The following EPN2 variants were observed in gnomAD, a reference collection of about 807,000 sequenced individuals.
EPN2 encodes epsin 2, also known as epsin-2.
A neutral mutation model predicts 61.7 loss-of-function variants in EPN2; 34 were observed. That is an observed-to-expected ratio of 0.55 (90% CI 0.42 to 0.73). The LOEUF is 0.73. EPN2 is among the 30% of genes least tolerant of loss of function. The pLI is 0.00. For synonymous variants in EPN2, 349 were observed against 353.6 expected (o/e 0.99, Z 0.15); for missense variants, 714 against 839.2 (o/e 0.85, Z 1.84).
chr17:19,259,589 G>A (rs2045118471), intron 1 of EPN2, among the ~76,000 whole-genome samples: 1 of 152,204 alleles, frequency 6.6e-6, no homozygotes, highest in Non-Finnish European at 1.5e-5. Context: ...TGGGTTTACA[G>A]GCATGAGCCA....
At chr17:19,264,345 G>C (rs757157515) in intron 1 of EPN2, among the ~76,000 whole-genome samples, 2 of 152,206 alleles carry the variant, frequency 1.3e-5, no homozygotes, top group Non-Finnish European at 2.9e-5. Flanking sequence ...ATGTCAGCTT[G>C]CTCCCATTTT....
At chr17:19,244,851 A>G (rs570623278) in intron 1 of EPN2, among the ~76,000 whole-genome samples, 13 of 152,354 alleles carry the variant, frequency 8.5e-5, no homozygotes, top group African/African-American at 3.1e-4. Flanking sequence ...GCCCCAGGCC[A>G]TACAGTTAGT....
At chr17:19,296,527 T>C (rs374711788) in intron 4 of EPN2, 16 of 152,176 alleles carry the variant, frequency 1.1e-4, no homozygotes, top group African/African-American at 3.9e-4. Context: ...AAAATAGAAA[T>C]AGAAAAAGAA....
chr17:19,293,250 G>T (rs560768798), intron 4 of EPN2, among the ~76,000 whole-genome samples: 38 of 151,746 alleles, frequency 2.5e-4, no homozygotes, highest in Middle Eastern at 6.8e-3. Flanking sequence ...CATGGTGGTG[G>T]GCACCTGTAA....
intron 7 of EPN2, among the ~76,000 whole-genome samples, chr17:19,327,588 G>A (rs776042444): frequency 6.6e-6 from 1 of 152,054 alleles, no homozygotes; most frequent in African/African-American, 2.4e-5. Flanking sequence ...TGGGAGGATC[G>A]CTTGAGCATG....
chr17:19,238,578 G>C (rs553037372), intron 1 of EPN2, among the ~76,000 whole-genome samples: 4 of 152,270 alleles, frequency 2.6e-5, no homozygotes, highest in Non-Finnish European at 5.9e-5. Flanking sequence ...CATCATTAGG[G>C]TTCAGATGAG....
chr17:19,309,752 C>T (rs1481537655), intron 4 of EPN2, 133 bp from the exon 5 acceptor site: 2 of 686,046 alleles, frequency 2.9e-6, no homozygotes, highest in Non-Finnish European at 2.6e-6. Context: ...CTTTCCTCTG[C>T]CTGCATTGTT....
In EPN2 at chr17:19,310,571, CTTTTTTTTTTTTT is replaced by C. The variant is rs71155391; in HGVS notation, c.879+586_879+598del. On this transcript the variant is annotated intron_variant, in intron 5 of 10. Transcript: ENST00000314728. The stretch of plus-strand genomic sequence containing the variant: ...TTTCTTTCTCTCTTTCTCCTTCTTT[CTTTTTTTTTTTTT>C]TTTTTTTTTTTGAATCAGAGTCTCA... 8.7e-5 allele frequency among the ~76,000 whole-genome samples: 7 copies of C among 80,922 alleles called. No individual in the cohort carries two copies. In the East Asian group the frequency reaches 1.4e-3, roughly 16 times the overall value. 53.1% of individuals were successfully genotyped at this position (80,922 alleles called of 152,430 possible).
Position 19,336,080 on chromosome 17 carries a change from CTGAG to C in EPN2, c.*1829_*1832del. 1 of 152,306 alleles carries C rather than the reference CTGAG, an allele frequency of 6.6e-6. No individual in the cohort carries two copies. Among genetic ancestry groups the C allele is most frequent in the East Asian group, 1.9e-4 (1 of 5,198 alleles). 9.4% of individuals were successfully genotyped at this position (152,306 alleles called of 1,614,324 possible). A position where few individuals can be genotyped will look rare whatever the true frequency, so the allele number is the denominator to read the frequency against. On this transcript the variant is annotated 3_prime_UTR_variant, in exon 11 of 11. Transcript: ENST00000314728. ...TCTGGGCTGCTGGGACATGCAGGCTCTGAGTGGGGACTGCACCCACTCATGCTGT... is the reference window on the plus strand; with the variant it reads ...TCTGGGCTGCTGGGACATGCAGGCTCTGGGGACTGCACCCACTCATGCTGT...
chr17:19,272,515 G>A (rs2045264997), intron 1 of EPN2, among the ~76,000 whole-genome samples: 1 of 152,110 alleles, frequency 6.6e-6, no homozygotes, highest in Non-Finnish European at 1.5e-5. Context: ...TGGGACTGAA[G>A]GATTTGGGGT....
intron 10 of EPN2, 143 bp downstream of exon 10, chr17:19,332,211 C>G (rs1476417501): frequency 1.5e-6 from 1 of 666,522 alleles, no homozygotes; most frequent in African/African-American, 1.8e-5. Flanking sequence ...TATGCCCTCG[C>G]CAGTGCTGCA....
chr17:19,262,558 G>A (rs2045153506), intron 1 of EPN2, among the ~76,000 whole-genome samples: 1 of 152,144 alleles, frequency 6.6e-6, no homozygotes, highest in Non-Finnish European at 1.5e-5. Context: ...TTCACCATCA[G>A]CATAATCTTA....
chr17:19,321,025 G>A (rs190330809), intron 7 of EPN2, among the ~76,000 whole-genome samples: 19 of 152,338 alleles, frequency 1.2e-4, no homozygotes, highest in Admixed American at 1.2e-3. Context: ...GCTTTGGCAA[G>A]GGGGACAGAT....
At chr17:19,238,953 A>G (rs1355883811) in intron 1 of EPN2, among the ~76,000 whole-genome samples, 1 of 152,204 alleles carries the variant, frequency 6.6e-6, no homozygotes, top group Non-Finnish European at 1.5e-5. Context: ...AGCTCTAGAT[A>G]CAGAATTTTA....
At chr17:19,251,257 TA>T (rs1476954584) in intron 1 of EPN2, among the ~76,000 whole-genome samples, 9 of 152,130 alleles carry the variant, frequency 5.9e-5, no homozygotes, top group African/African-American at 1.9e-4. Context: ...AGAAGAGGGA[TA>T]GGGGAAACAA....
chr17:19,246,675 C>G (rs1263566855), intron 1 of EPN2, among the ~76,000 whole-genome samples: 2 of 148,664 alleles, frequency 1.3e-5, no homozygotes, highest in African/African-American at 5.0e-5. Flanking sequence ...GCCCCTTCCG[C>G]CCCCCCCAAA....
At chr17:19,315,560 C>G (rs1045253135) in intron 7 of EPN2, among the ~76,000 whole-genome samples, 10 of 152,192 alleles carry the variant, frequency 6.6e-5, no homozygotes, top group Admixed American at 4.6e-4. Context: ...CATCTTAGCT[C>G]ATTGCAACCT....
chr17:19,285,845 G>T lies in EPN2; in HGVS notation c.766+55G>T. On this transcript the variant is annotated intron_variant, in intron 4 of 10. Coordinates refer to ENST00000314728, the MANE Select transcript of EPN2 (RefSeq NM_014964.5). This position sits in a 1 kb window ranked among gnomAD's most constrained non-coding sequence, Gnocchi z 4.5. ...TAGAAATGCTGGGCAGCTTGCTGGG[G>T]GTGTGCTTGCCATGCCAGTACAGCC... 1 of 1,480,114 alleles carries T rather than the reference G, an allele frequency of 6.8e-7. No homozygotes were observed. Among genetic ancestry groups the T allele is most frequent in the Non-Finnish European group, 9.0e-7 (1 of 1,105,850 alleles). The allele number at this position is 1,480,114 out of a possible 1,614,324, so 91.7% of individuals were successfully genotyped here. A position where few individuals can be genotyped will look rare whatever the true frequency, so the allele number is the denominator to read the frequency against.
intron 1 of EPN2, among the ~76,000 whole-genome samples, chr17:19,280,342 A>G (rs1397862728): frequency 2.0e-5 from 3 of 152,242 alleles, no homozygotes; most frequent in Non-Finnish European, 2.9e-5. Flanking sequence ...AATATTCATT[A>G]AAAATTAAAG....
Sources: gnomAD v4.1 joint callset for allele counts (sites outside exome capture counted in the v4.1 genomes callset) on GRCh38, gnomAD v4.1.1 for gene constraint, Gnocchi (gnomAD v3.1) non-coding constraint, MANE v1.5 for transcripts, NCBI Gene and HGNC (gene_info 2026-07-23, HGNC 2026-07-21) for gene names.